The following DCC variants were observed in gnomAD, a reference collection of about 807,000 sequenced individuals.
The protein encoded by DCC is netrin receptor DCC.
DCC carries 58 observed loss-of-function variants against 172.5 expected under a neutral mutation model. The ratio of observed to expected loss-of-function variants is 0.34; its 90% CI spans 0.27 to 0.42. DCC has a LOEUF of 0.42. Ranked by LOEUF, DCC falls within the 10% of genes least tolerant of loss-of-function variation. DCC has a pLI of 1.00. For synonymous variants in DCC, 709 were observed against 644.5 expected (o/e 1.10, Z -1.52); for missense variants, 1,740 against 1,791.0 (o/e 0.97, Z 0.51).
intron 3 of DCC, among the ~76,000 whole-genome samples, chr18:52,908,931 G>A (rs1444691524): frequency 6.6e-6 from 1 of 152,074 alleles, no homozygotes; most frequent in Non-Finnish European, 1.5e-5. Context: ...CACACACACA[G>A]GTTATTGTCA....
chr18:52,609,908 C>A (rs1283981618), intron 1 of DCC, among the ~76,000 whole-genome samples: 1 of 151,700 alleles, frequency 6.6e-6, no homozygotes, highest in Non-Finnish European at 1.5e-5. Context: ...GTAGGAGTGA[C>A]AGCCTTATTG....
At chr18:52,462,376 T>A (rs1056807869) in intron 1 of DCC, among the ~76,000 whole-genome samples, 1 of 152,076 alleles carries the variant, frequency 6.6e-6, no homozygotes, top group African/African-American at 2.4e-5. Flanking sequence ...TCATACAATC[T>A]GTGTCCCCAT....
chr18:53,429,263 G>GACAACTTTTTTCACCTATCATTGGCCA (rs1319248002), intron 21 of DCC, among the ~76,000 whole-genome samples: 1 of 146,560 alleles, frequency 6.8e-6, no homozygotes. Context: ...TTTAGAAGAT[G>GACAACTTTTTTCACCTATCATTGGCCA]GTCTCTGCAA....
At chr18:53,014,188 G>A (rs1218925337) in intron 5 of DCC, among the ~76,000 whole-genome samples, 1 of 152,156 alleles carries the variant, frequency 6.6e-6, no homozygotes, top group African/African-American at 2.4e-5. Context: ...ATCATTGTAA[G>A]TAATTAGATG....
At chr18:52,794,728 T>G (rs942101393) in intron 2 of DCC, among the ~76,000 whole-genome samples, 1 of 152,116 alleles carries the variant, frequency 6.6e-6, no homozygotes, top group Non-Finnish European at 1.5e-5. Context: ...AGGAAAGGCT[T>G]TCAACTTTTT....
At chr18:53,053,747 G>A (rs2042365624) in intron 5 of DCC, among the ~76,000 whole-genome samples, 1 of 152,104 alleles carries the variant, frequency 6.6e-6, no homozygotes, top group Non-Finnish European at 1.5e-5. Context: ...TGCATTGTTT[G>A]GGAACAGGAT....
rs191585013 is a variant in DCC at position 52,660,495 on chromosome 18, T to G, written c.92-91559T>G. 2.2e-4 allele frequency among the ~76,000 whole-genome samples: 33 copies of G among 152,326 alleles called. No individual in the cohort carries two copies. In the East Asian group the frequency reaches 4.3e-3, roughly 20 times the overall value. ...CTGCCTTGCTCTGGTTCAAGTTTAC[T>G]GTGCCTTGAAAAGTCAATCTAAAAG... is the stretch of plus-strand genomic sequence containing the variant. On this transcript the variant is annotated intron_variant, in intron 1 of 28. Transcript: ENST00000442544.
At chr18:52,893,358 A>G (rs1053128113) in intron 2 of DCC, among the ~76,000 whole-genome samples, 2 of 152,280 alleles carry the variant, frequency 1.3e-5, no homozygotes, top group South Asian at 2.1e-4. Flanking sequence ...TAAACCTAAT[A>G]CAGTGCCTGG....
intron 12 of DCC, among the ~76,000 whole-genome samples, chr18:53,237,368 A>C (rs777360062): frequency 9.9e-5 from 15 of 152,266 alleles, no homozygotes; most frequent in Non-Finnish European, 1.8e-4. Flanking sequence ...GCATATTTGA[A>C]TTTAATTTTC....
chr18:53,500,104 A>G (rs928302687), intron 27 of DCC, among the ~76,000 whole-genome samples: 2 of 152,192 alleles, frequency 1.3e-5, no homozygotes, highest in Non-Finnish European at 2.9e-5. Context: ...CTAAGAAAAT[A>G]AGATGGCAGG....
At chr18:52,995,498 T>A (rs2041463715) in intron 5 of DCC, among the ~76,000 whole-genome samples, 1 of 148,892 alleles carries the variant, frequency 6.7e-6, no homozygotes, top group Non-Finnish European at 1.5e-5. Context: ...TTTTTTTTTC[T>A]AGGCCTCAAA....
chr18:52,911,157 T>C (rs1008369286), intron 3 of DCC, among the ~76,000 whole-genome samples: 1 of 152,242 alleles, frequency 6.6e-6, no homozygotes, highest in African/African-American at 2.4e-5. Context: ...TATGGAATAA[T>C]GATCTGTGTA....
chr18:53,110,884 C>G (rs951863945), intron 7 of DCC, among the ~76,000 whole-genome samples: 1 of 123,866 alleles, frequency 8.1e-6, no homozygotes, highest in African/African-American at 3.2e-5. Flanking sequence ...TTTGACCCAG[C>G]CATCCCATTA....
At chr18:52,501,524 AG>A (rs2031018523) in intron 1 of DCC, among the ~76,000 whole-genome samples, 1 of 152,138 alleles carries the variant, frequency 6.6e-6, no homozygotes, top group Non-Finnish European at 1.5e-5. Context: ...AATTGTATTC[AG>A]GGAAGGGGGG....
rs142390304 is a variant in DCC at position 52,970,142 on chromosome 18, A to G, written c.985+44772A>G. ...TGCTCCTAGGAAGATATATATTTACATACCTACTTAAATACACTGAATCTG... is the reference window on the plus strand; with the variant it reads ...TGCTCCTAGGAAGATATATATTTACGTACCTACTTAAATACACTGAATCTG... On this transcript the variant is annotated intron_variant, in intron 5 of 28. Transcript: ENST00000442544. 2.1e-3 allele frequency among the ~76,000 whole-genome samples: 314 copies of G among 152,288 alleles called. 1 individual carries two copies. The highest frequency in any genetic ancestry group is 2.8e-3 in the Admixed American group (43 of 15,298).
chr18:53,459,891 A>C (rs1231883408), intron 24 of DCC, among the ~76,000 whole-genome samples: 1 of 152,050 alleles, frequency 6.6e-6, no homozygotes, highest in Non-Finnish European at 1.5e-5. Flanking sequence ...CCTGTTTTAA[A>C]AATCACATCA....
At chr18:52,877,899 A>G (rs1180196320) in intron 2 of DCC, among the ~76,000 whole-genome samples, 2 of 152,140 alleles carry the variant, frequency 1.3e-5, no homozygotes, top group African/African-American at 4.8e-5. Context: ...ACATGCACCA[A>G]GTAGCACTTA....
intron 9 of DCC, among the ~76,000 whole-genome samples, chr18:53,192,309 T>C (rs1488358357): frequency 6.6e-6 from 1 of 152,208 alleles, no homozygotes; most frequent in African/African-American, 2.4e-5. Flanking sequence ...GAATTTTTAT[T>C]GTTGCTGCTA....
intron 7 of DCC, among the ~76,000 whole-genome samples, chr18:53,118,575 T>C (rs2043439863): frequency 1.3e-5 from 2 of 151,804 alleles, no homozygotes; most frequent in African/African-American, 4.8e-5. Context: ...TAATTCTGAG[T>C]ATATAATCAT....
Sources: allele counts gnomAD v4.1 joint callset (sites outside exome capture counted in the v4.1 genomes callset), GRCh38; gene constraint gnomAD v4.1.1; transcripts MANE v1.5; gene names NCBI Gene and HGNC (gene_info 2026-07-23, HGNC 2026-07-21).